The following TMEM39B variants were observed in gnomAD, a reference collection of about 807,000 sequenced individuals.
The protein encoded by TMEM39B is transmembrane protein 39B.
In TMEM39B, 23 loss-of-function variants were observed where a neutral mutation model predicts 52.2. The observed-to-expected ratio is 0.44, with a 90% CI of 0.32 to 0.62. The LOEUF (loss-of-function observed/expected upper bound fraction) is 0.62, where lower values mean the gene tolerates loss of function less well. TMEM39B is among the 20% of genes least tolerant of loss of function. The pLI is 0.06. For missense variants in TMEM39B, 547 were observed against 642.0 expected (o/e 0.85, Z 1.60); for synonymous variants, 285 against 264.0 (o/e 1.08, Z -0.77).
chr1:32,077,375 C>T, intron 5 of TMEM39B, 57 bp downstream of exon 5: 3 of 1,589,788 alleles, frequency 1.9e-6, no homozygotes, highest in Non-Finnish European at 2.6e-6. Flanking sequence ...GACCTCTGCC[C>T]TGACCGTAGC....
At chr1:32,076,301 G>T (rs1271607601) in intron 3 of TMEM39B, 4 of 276,716 alleles carry the variant, frequency 1.4e-5, no homozygotes, top group Admixed American at 4.4e-5. Context: ...AGTGGAGACA[G>T]GGTTTCACCA....
chr1:32,100,581 G>C lies in TMEM39B; in HGVS notation c.1236+19G>C. On this transcript the variant is annotated intron_variant, in intron 8 of 8. Transcript: ENST00000336294. ...CTTCCATGTGAGTCTCCTCCCCGGGGAAGGAGGGTTGGGGCCTGAGAGGGT... is the reference window on the plus strand; with the variant it reads ...CTTCCATGTGAGTCTCCTCCCCGGGCAAGGAGGGTTGGGGCCTGAGAGGGT... 1 of 1,614,136 alleles carries C rather than the reference G, an allele frequency of 6.2e-7. No individual in the cohort carries two copies. Among genetic ancestry groups the C allele is most frequent in the African/African-American group, 1.3e-5 (1 of 75,070 alleles).
Position 32,075,672 on chromosome 1 carries a change from C to T in TMEM39B, c.201C>T (p.Cys67=), listed in dbSNP as rs188702017. 161 of 1,551,766 alleles carry T rather than the reference C, an allele frequency of 1.0e-4. No individual in the cohort carries two copies. The highest frequency in any genetic ancestry group is 1.0e-3 in the Admixed American group (52 of 50,996). Residue 67 remains cysteine (C), a synonymous_variant, in exon 3 of 9, where the codon TGC becomes TGT. Transcript: ENST00000336294. ...ATQTVVPLQH[C]KIPELPVQAS... is the part of the protein sequence containing the mutation. Reference sequence around the variant, plus strand: ...AAACTGTTGTGCCTCTACAGCACTGCAAGATCCCCGAGCTGCCAGTCCAGG... The same window carrying T: ...AAACTGTTGTGCCTCTACAGCACTGTAAGATCCCCGAGCTGCCAGTCCAGG...
chr1:32,100,741 C>T (rs1375160399), intron 8 of TMEM39B, 179 bp downstream of exon 8: 1 of 817,452 alleles, frequency 1.2e-6, no homozygotes, highest in Non-Finnish European at 1.9e-6. Context: ...ATAACTGCAG[C>T]TCGGCCGGGC....
chr1:32,077,384 G>C (rs1569861774), intron 5 of TMEM39B, 66 bp downstream of exon 5: 2 of 1,581,764 alleles, frequency 1.3e-6, no homozygotes, highest in South Asian at 2.3e-5. Flanking sequence ...CCTGACCGTA[G>C]CTGGCTCACC....
At chr1:32,073,207 G>A (rs1330603121) in intron 1 of TMEM39B, 156 bp downstream of exon 1, 6 of 945,252 alleles carry the variant, frequency 6.3e-6, no homozygotes, top group Non-Finnish European at 7.1e-6. Context: ...CTGTCGTTTT[G>A]CGGGGTGGGG....
At chr1:32,097,768 CTG>C (rs1640867082) in intron 7 of TMEM39B, among the ~76,000 whole-genome samples, 1 of 152,116 alleles carries the variant, frequency 6.6e-6, no homozygotes, top group Non-Finnish European at 1.5e-5. Flanking sequence ...CGTCAGCCTC[CTG>C]AGTAGCTGGG....
intron 5 of TMEM39B, among the ~76,000 whole-genome samples, chr1:32,077,800 A>G (rs1289046273): frequency 6.6e-6 from 1 of 151,986 alleles, no homozygotes; most frequent in South Asian, 2.1e-4. Flanking sequence ...TGCATGAAGC[A>G]TGTGTGTGTG....
intron 4 of TMEM39B, 77 bp from the exon 5 acceptor site, chr1:32,077,087 A>G (rs2124429698): frequency 6.3e-7 from 1 of 1,580,174 alleles, no homozygotes; most frequent in East Asian, 2.2e-5. Flanking sequence ...ATCACAGGTC[A>G]TGCTGGGTGG....
chr1:32,086,117 A>G (rs981645572), intron 5 of TMEM39B, among the ~76,000 whole-genome samples: 2 of 152,112 alleles, frequency 1.3e-5, no homozygotes, highest in African/African-American at 4.8e-5. Context: ...AGTTTACTCA[A>G]TTTCTTTAGA....
At chr1:32,080,646 G>A (rs1036666296) in intron 5 of TMEM39B, among the ~76,000 whole-genome samples, 1 of 144,138 alleles carries the variant, frequency 6.9e-6, no homozygotes, top group Non-Finnish European at 1.5e-5. Flanking sequence ...CTGCACTCCA[G>A]CCTGGGCAAC....
chr1:32,093,330 C>T (rs763282855), intron 6 of TMEM39B, among the ~76,000 whole-genome samples: 6 of 151,136 alleles, frequency 4.0e-5, no homozygotes, highest in Non-Finnish European at 8.8e-5. Context: ...AACTCCTGAC[C>T]TCAGGTGATC....
In TMEM39B at chr1:32,074,993, C is replaced by A; in HGVS notation, c.47C>A (p.Pro16Gln). ...GPNRTSYCRN[P>Q]LCEPGSSGGS... Reference sequence around the variant, plus strand: ...AACAGGACATCTTACTGTCGAAATCCGCTCTGTGAGCCGGGATCCTCGGGG... The same window carrying A: ...AACAGGACATCTTACTGTCGAAATCAGCTCTGTGAGCCGGGATCCTCGGGG... The change falls in exon 2 of 9, where the codon CCG becomes CAG. Residue 16 changes from proline (P) to glutamine (Q), a missense_variant. By Grantham distance (76) the Pro-to-Gln change is moderately conservative (BLOSUM62 -1). Coordinates refer to ENST00000336294, the MANE Select transcript of TMEM39B (RefSeq NM_018056.4). The A allele has an allele frequency of 6.4e-7, 1 of 1,551,568 alleles. No individual in the cohort carries two copies. The highest frequency in any genetic ancestry group is 8.7e-7 in the Non-Finnish European group (1 of 1,146,948).
rs115736848 is a variant in TMEM39B, at chr1:32,078,305, G to A, written c.590+987G>A. Among the ~76,000 whole-genome samples, 987 of 152,144 alleles carry A rather than the reference G, an allele frequency of 6.5e-3. 15 individuals are homozygous for A. Among genetic ancestry groups the A allele is most frequent in the African/African-American group, 0.023 (953 of 41,502 alleles). The stretch of plus-strand genomic sequence containing the variant: ...TTGAGACCAGCCTAGGCAACATGGC[G>A]AAATCCTGTCTACTAAAAACATAAA... On this transcript the variant is annotated intron_variant, in intron 5 of 8. Transcript: ENST00000336294.
chr1:32,090,538 C>T (rs1157126788), intron 5 of TMEM39B, among the ~76,000 whole-genome samples: 2 of 152,170 alleles, frequency 1.3e-5, no homozygotes, highest in Non-Finnish European at 2.9e-5. Flanking sequence ...GCAGCCTCAA[C>T]CTCCTAGGTT....
chr1:32,075,866 GTGTGTGTGTA>G, intron 3 of TMEM39B, 44 bp downstream of exon 3: 2 of 1,267,626 alleles, frequency 1.6e-6, no homozygotes, highest in African/African-American at 1.5e-5. Flanking sequence ...GTGTGTGTGC[GTGTGTGTGTA>G]TGTGTGTGTG....
chr1:32,102,727 C>G lies in TMEM39B; in HGVS notation c.*54C>G, dbSNP rs1641066763. ...CAGGCTTCAGCCAAGGGCTCCCTGG[C>G]AAGGGGCTGTTGGGTAGAAGTGGTG... On this transcript the variant is annotated 3_prime_UTR_variant, in exon 9 of 9. Coordinates refer to ENST00000336294, the MANE Select transcript of TMEM39B (RefSeq NM_018056.4). 3.5e-6 allele frequency: 5 copies of G among 1,423,714 alleles called. No homozygotes were observed. The highest frequency in any genetic ancestry group is 1.5e-5 in the African/African-American group (1 of 68,908). 88.2% of individuals were successfully genotyped at this position (1,423,714 alleles called of 1,614,324 possible). A position where few individuals can be genotyped will look rare whatever the true frequency, so the allele number is the denominator to read the frequency against.
At chr1:32,090,509 G>A (rs1261471864) in intron 5 of TMEM39B, among the ~76,000 whole-genome samples, 1 of 152,018 alleles carries the variant, frequency 6.6e-6, no homozygotes, top group Non-Finnish European at 1.5e-5. Context: ...AGAGTGCAGT[G>A]GCACAATCAT....
chr1:32,075,102 C>G, intron 2 of TMEM39B, 25 bp downstream of exon 2: 4 of 1,540,940 alleles, frequency 2.6e-6, no homozygotes, highest in Non-Finnish European at 3.5e-6. Context: ...TGTCTCACCC[C>G]TCACTGTGGC....
Sources: gnomAD v4.1 joint callset for allele counts (sites outside exome capture counted in the v4.1 genomes callset) on GRCh38, gnomAD v4.1.1 for gene constraint, MANE v1.5 for transcripts, NCBI Gene and HGNC (gene_info 2026-07-23, HGNC 2026-07-21) for gene names.